The following TAFA2 variants were observed in gnomAD, a reference collection of about 807,000 sequenced individuals.
TAFA2 encodes chemokine-like protein TAFA-2.
A neutral mutation model predicts 18.8 loss-of-function variants in TAFA2; 7 were observed. The observed-to-expected ratio is 0.37, with a 90% confidence interval of 0.21 to 0.70. The LOEUF (loss-of-function observed/expected upper bound fraction) is 0.70. TAFA2 is among the 30% of genes least tolerant of loss of function. The pLI, the probability that TAFA2 is intolerant of heterozygous loss-of-function variation, is 0.53. For missense variants in TAFA2, 122 were observed against 158.1 expected (o/e 0.77, Z 1.23); for synonymous variants, 60 against 54.2 (o/e 1.11, Z -0.47).
rs188277694 is a variant in TAFA2, at chr12:62,020,651, G to A, written c.-1-153225C>T. 2.4e-3 allele frequency among the ~76,000 whole-genome samples: 359 copies of A among 152,244 alleles called. 2 individuals are homozygous for A. Among genetic ancestry groups the A allele is most frequent in the African/African-American group, 7.9e-3 (327 of 41,544 alleles). The stretch of plus-strand genomic sequence containing the variant: ...AAAGACTATTCTATTTCATGCTAAG[G>A]AGTTTATACTACAGGCAACAGCTAC... On this transcript the variant is annotated intron_variant, in intron 1 of 4. Transcript: ENST00000416284.
intron 1 of TAFA2, among the ~76,000 whole-genome samples, chr12:61,873,708 G>A (rs1874719503): frequency 6.6e-6 from 1 of 151,920 alleles, no homozygotes; most frequent in Admixed American, 6.6e-5. Flanking sequence ...ACTAAATAGG[G>A]CATCGAGAGC....
Position 62,025,360 on chromosome 12 carries a change from A to C in TAFA2, c.-1-157934T>G, listed in dbSNP as rs191956808. 9.2e-4 allele frequency among the ~76,000 whole-genome samples: 140 copies of C among 152,244 alleles called. 1 individual carries two copies. The highest frequency in any genetic ancestry group is 3.1e-3 in the African/African-American group (127 of 41,542). The stretch of plus-strand genomic sequence containing the variant: ...CATACCCTAAACCTTAGCATCATAC[A>C]ATCTACCCAGGTAACAAAACTGCAC... On this transcript the variant is annotated intron_variant, in intron 1 of 4. Transcript: ENST00000416284.
At chr12:62,001,258 C>T (rs976694974) in intron 1 of TAFA2, among the ~76,000 whole-genome samples, 1 of 152,076 alleles carries the variant, frequency 6.6e-6, no homozygotes. Context: ...ACCTTTTTGG[C>T]ATGAGGGACT....
chr12:61,713,380 G>A (rs550676968), intron 4 of TAFA2, among the ~76,000 whole-genome samples: 116 of 152,246 alleles, frequency 7.6e-4, no homozygotes, highest in Non-Finnish European at 1.3e-3. Context: ...TTGGGAGACT[G>A]CATGATTCAC....
chr12:62,203,597 T>G (rs1170283545), intron 1 of TAFA2, among the ~76,000 whole-genome samples: 4 of 152,250 alleles, frequency 2.6e-5, no homozygotes, highest in Non-Finnish European at 5.9e-5. Flanking sequence ...TGTAATGCCC[T>G]TGTCTTTTTT....
intron 1 of TAFA2, among the ~76,000 whole-genome samples, chr12:62,114,537 T>A (rs1869876477): frequency 6.6e-6 from 1 of 152,226 alleles, no homozygotes; most frequent in Non-Finnish European, 1.5e-5. Context: ...AATGTCTCAA[T>A]AATTGATGAT....
chr12:61,873,929 G>A (rs567813162), intron 1 of TAFA2, among the ~76,000 whole-genome samples: 2 of 151,990 alleles, frequency 1.3e-5, no homozygotes, highest in Middle Eastern at 3.4e-3. Flanking sequence ...ATATATAAAG[G>A]GTATACAGTA....
At chr12:61,946,352 C>T (rs1487476259) in intron 1 of TAFA2, among the ~76,000 whole-genome samples, 1 of 142,280 alleles carries the variant, frequency 7.0e-6, no homozygotes, top group South Asian at 2.3e-4. Flanking sequence ...ACCATAAAAA[C>T]CCTAGAAGAA....
intron 2 of TAFA2, chr12:61,776,193 T>A: frequency 3.7e-6 from 1 of 271,546 alleles, no homozygotes; most frequent in Non-Finnish European, 7.4e-6. Flanking sequence ...AATTAATGTG[T>A]GTATTGAGCA....
At chr12:62,148,007 A>T (rs2062299529) in intron 1 of TAFA2, among the ~76,000 whole-genome samples, 3 of 152,190 alleles carry the variant, frequency 2.0e-5, no homozygotes. Context: ...TCAAGACCAC[A>T]ATAAGATACC....
chr12:62,103,168 G>A (rs191219737), intron 1 of TAFA2, among the ~76,000 whole-genome samples: 1 of 152,250 alleles, frequency 6.6e-6, no homozygotes, highest in African/African-American at 2.4e-5. Context: ...CAGAAGCATC[G>A]CACTGGAGGA....
chr12:62,087,281 G>T (rs570217074), intron 1 of TAFA2, among the ~76,000 whole-genome samples: 21 of 152,164 alleles, frequency 1.4e-4, no homozygotes, highest in African/African-American at 5.1e-4. Context: ...CACTTAAAAT[G>T]GTTAAAATGG....
intron 1 of TAFA2, among the ~76,000 whole-genome samples, chr12:62,148,648 C>T (rs1168073646): frequency 2.0e-5 from 3 of 152,172 alleles, no homozygotes; most frequent in Non-Finnish European, 4.4e-5. Context: ...CAGCATCACT[C>T]AATATACCCA....
At chr12:61,995,116 C>A (rs1274864914) in intron 1 of TAFA2, among the ~76,000 whole-genome samples, 1 of 152,180 alleles carries the variant, frequency 6.6e-6, no homozygotes, top group Admixed American at 6.6e-5. Context: ...CAGAATAAAA[C>A]CCAACTTCCT....
chr12:61,808,100 T>G (rs1209383642), intron 2 of TAFA2, among the ~76,000 whole-genome samples: 3 of 151,702 alleles, frequency 2.0e-5, no homozygotes, highest in Non-Finnish European at 4.4e-5. Context: ...GGTTTGTCTG[T>G]GTTCCCACTG....
chr12:62,101,932 T>C (rs1023876905), intron 1 of TAFA2, among the ~76,000 whole-genome samples: 1 of 151,606 alleles, frequency 6.6e-6, no homozygotes, highest in African/African-American at 2.4e-5. Context: ...GCTGACAAAA[T>C]GGTGAAAGAG....
Position 62,027,284 on chromosome 12 carries a change from G to A in TAFA2, c.-1-159858C>T, listed in dbSNP as rs371859458. Among the ~76,000 whole-genome samples the A allele has an allele frequency of 5.3e-5, 8 of 152,202 alleles. 1 individual carries two copies. The highest frequency in any genetic ancestry group is 6.5e-5 in the Admixed American group (1 of 15,278). On this transcript the variant is annotated intron_variant, in intron 1 of 4. Coordinates refer to ENST00000416284, the MANE Select transcript of TAFA2 (RefSeq NM_178539.5). Reference sequence around the variant, plus strand: ...ATGCAGCATACAGCCCTTTAGCATAGCCCTAGAAAAAGGAAAGGAACTAAG... The same window carrying A: ...ATGCAGCATACAGCCCTTTAGCATAACCCTAGAAAAAGGAAAGGAACTAAG...
At chr12:61,988,802 C>A (rs992621213) in intron 1 of TAFA2, among the ~76,000 whole-genome samples, 2 of 152,084 alleles carry the variant, frequency 1.3e-5, no homozygotes, top group Non-Finnish European at 2.9e-5. Context: ...AGCTTGGGCT[C>A]TGTGATGAGT....
intron 1 of TAFA2, among the ~76,000 whole-genome samples, chr12:62,240,229 G>C (rs1013524386): frequency 6.6e-6 from 1 of 151,884 alleles, no homozygotes; most frequent in Non-Finnish European, 1.5e-5. Context: ...GATCAGCCTG[G>C]CCAACATGAT....
Sources: gnomAD v4.1 joint callset for allele counts (sites outside exome capture counted in the v4.1 genomes callset) on GRCh38, gnomAD v4.1.1 for gene constraint, MANE v1.5 for transcripts, NCBI Gene and HGNC (gene_info 2026-07-23, HGNC 2026-07-21) for gene names.